MKI67: variants seen among roughly 807,000 people sequenced by gnomAD.
MKI67 encodes the protein proliferation marker protein Ki-67.
A neutral mutation model predicts 233.5 loss-of-function variants in MKI67; 152 were observed. That is an observed-to-expected ratio of 0.65 (90% confidence interval 0.57 to 0.74). MKI67 has a LOEUF of 0.74. Ranked by LOEUF, MKI67 falls within the 30% of genes least tolerant of loss-of-function variation. The pLI is 0.00. For missense variants in MKI67, 3,940 were observed against 3,885.2 expected (o/e 1.01, Z -0.37); for synonymous variants, 1,465 against 1,418.5 (o/e 1.03, Z -0.74).
chr10:128,099,690 C>G (rs1852292627), intron 14 of MKI67, among the ~76,000 whole-genome samples: 1 of 152,216 alleles, frequency 6.6e-6, no homozygotes, highest in African/African-American at 2.4e-5. Context: ...TTGGCCTTTA[C>G]TCTTGCAGTA....
chr10:128,101,182 G>T lies in MKI67; in HGVS notation c.9705+76C>A. ...CTGTTGAAGATAATGCTTTTTGTTT[G>T]CCTTTGCAACCTTGGGCAAAAAATA... On this transcript the variant is annotated intron_variant, in intron 14 of 14. Coordinates refer to ENST00000368654, the MANE Select transcript of MKI67 (RefSeq NM_002417.5). 22 of 1,420,624 alleles carry T rather than the reference G, an allele frequency of 1.5e-5. No homozygotes were observed. In the Admixed American group the frequency reaches 1.6e-4, roughly 10 times the overall value. 88.0% of individuals were successfully genotyped at this position (1,420,624 alleles called of 1,614,324 possible).
rs752242610 is a variant in MKI67 at position 128,099,145 on chromosome 10, T to C, written c.*45A>G. ...ATGACAAAAACTGCACTAGAACTTATCACAAAACTAACTTTATTATATTTT... is the reference window on the plus strand; with the variant it reads ...ATGACAAAAACTGCACTAGAACTTACCACAAAACTAACTTTATTATATTTT... On this transcript the variant is annotated 3_prime_UTR_variant, in exon 15 of 15. Transcript: ENST00000368654. The C allele has an allele frequency of 4.1e-6, 6 of 1,478,662 alleles. No individual in the cohort carries two copies. Among genetic ancestry groups the C allele is most frequent in the Non-Finnish European group, 3.8e-6 (4 of 1,066,432 alleles). The allele number at this position is 1,478,662 out of a possible 1,614,324, so 91.6% of individuals were successfully genotyped here. A position where few individuals can be genotyped will look rare whatever the true frequency, so the allele number is the denominator to read the frequency against.
rs777827560 is a variant in MKI67, at chr10:128,102,706, A to G, written c.9134T>C (p.Val3045Ala). The change falls in exon 13 of 15, where the codon GTG (valine) becomes GCG (alanine). Residue 3045 changes from valine to alanine, a missense_variant. Coordinates refer to ENST00000368654, the MANE Select transcript of MKI67 (RefSeq NM_002417.5). ...CCTCAAACTTCTCTTCATGATGACC[A>G]CGGGTTCGGATGATTTGCCTCTTGC... Reference protein sequence around the residue: ...PRARGKSSEPVVIMKRSLRTS... With the variant: ...PRARGKSSEPAVIMKRSLRTS... The G allele has an allele frequency of 1.9e-6, 3 of 1,614,214 alleles. No homozygotes were observed. In the South Asian group the frequency reaches 3.3e-5, roughly 18 times the overall value.
chr10:128,107,822 C>T lies in MKI67; in HGVS notation c.4018G>A (p.Ala1340Thr). The change falls in exon 13 of 15, where the codon GCC becomes ACC. Residue 1340 changes from alanine to threonine, a missense_variant. Ala to Thr is a moderately conservative substitution (Grantham distance 58). Transcript: ENST00000368654. Reference protein sequence around the residue: ...KRRPQTPKEEAQALEDLTGFK... With the variant: ...KRRPQTPKEETQALEDLTGFK... ...CCAGTCAGGTCTTCCAGAGCCTGGG[C>T]CTCTTCCTTAGGAGTTTGTGGCCGT... The T allele has an allele frequency of 1.2e-6, 2 of 1,613,732 alleles. No homozygotes were observed. The highest frequency in any genetic ancestry group is 1.7e-6 in the Non-Finnish European group (2 of 1,179,960).
intron 4 of MKI67, among the ~76,000 whole-genome samples, chr10:128,122,374 C>A (rs570877493): frequency 6.6e-6 from 1 of 152,080 alleles, no homozygotes; most frequent in Admixed American, 6.5e-5. Context: ...GCTCAAAAAG[C>A]CTTCATTGCC....
intron 2 of MKI67, 39 bp from the exon 3 acceptor site, chr10:128,123,208 C>T (rs1157081563): frequency 7.0e-7 from 1 of 1,426,714 alleles, no homozygotes. Context: ...GTTGCTGCAA[C>T]TTTTTAAAAG....
chr10:128,100,165 C>T (rs1411913289), intron 14 of MKI67, among the ~76,000 whole-genome samples: 1 of 152,210 alleles, frequency 6.6e-6, no homozygotes, highest in Non-Finnish European at 1.5e-5. Flanking sequence ...TGCTTCCAGC[C>T]TGCCCCAGAA....
In MKI67 at chr10:128,111,756, T is replaced by C. The variant is rs1852681910; in HGVS notation, c.2149A>G (p.Ile717Val). 1 of 1,614,200 alleles carries C rather than the reference T, an allele frequency of 6.2e-7. No individual in the cohort carries two copies. The highest frequency in any genetic ancestry group is 1.1e-5 in the South Asian group (1 of 91,092). The change falls in exon 11 of 15, where the codon ATA becomes GTA. Residue 717 changes from isoleucine (I) to valine (V), a missense_variant. Coordinates refer to ENST00000368654, the MANE Select transcript of MKI67 (RefSeq NM_002417.5). The part of the protein sequence containing the change: ...STGHANSPCT[I>V]IIGKAHTEKV... ...TCAGTATGAGCTTTCCCTATTATTA[T>C]GGTACAAGGAGAGTTTGCGTGGCCT...
chr10:128,111,317 G>T (rs1393261369), intron 11 of MKI67, among the ~76,000 whole-genome samples: 1 of 152,204 alleles, frequency 6.6e-6, no homozygotes, highest in Admixed American at 6.5e-5. Flanking sequence ...AACTATTATT[G>T]TACCTGCAGA....
rs1852498941 is a variant in MKI67 at position 128,106,471 on chromosome 10, C to A, written c.5369G>T (p.Gly1790Val). The A allele has an allele frequency of 6.2e-7, 1 of 1,613,782 alleles. No homozygotes were observed. The highest frequency in any genetic ancestry group is 8.5e-7 in the Non-Finnish European group (1 of 1,179,976). ...KAMHTPKPAV[G>V]EEKDINTFLG... ...AAACGTGTTGATGTCTTTCTCTTCA[C>A]CTACTGCTGGTTTGGGTGTGTGCAT... Residue 1790 changes from glycine to valine, a missense_variant, in exon 13 of 15, where the codon GGT (glycine) becomes GTT (valine). Coordinates refer to ENST00000368654, the MANE Select transcript of MKI67 (RefSeq NM_002417.5).
chr10:128,122,521 C>G (rs1852969949), intron 4 of MKI67, among the ~76,000 whole-genome samples: 1 of 152,036 alleles, frequency 6.6e-6, no homozygotes, highest in Admixed American at 6.6e-5. Flanking sequence ...GATAAATTGA[C>G]CTGTCCATCT....
chr10:128,111,489 T>G (rs1227522774), intron 11 of MKI67, 156 bp downstream of exon 11: 15 of 694,612 alleles, frequency 2.2e-5, no homozygotes, highest in Middle Eastern at 8.2e-4. Flanking sequence ...CAAAACAGCT[T>G]TATCTTCCCT....
At chr10:128,099,298 C>T (rs1189424934) in intron 14 of MKI67, 43 bp from the exon 15 acceptor site, 2 of 1,544,782 alleles carry the variant, frequency 1.3e-6, no homozygotes, top group Non-Finnish European at 1.8e-6. Context: ...GTAATTTAAA[C>T]ACCCATTTTT....
rs760756736 is a variant in MKI67 at position 128,113,543 on chromosome 10, G to T, written c.1540C>A (p.Pro514Thr). ...GGCAAGTTTTCATCAAATAGTTCAG[G>T]TCTTAGGTGCCCACCAAAGGACACA... ...RRVSFGGHLR[P>T]ELFDENLPPN... The change falls in exon 8 of 15, where the codon CCT becomes ACT. Residue 514 changes from proline (P) to threonine (T), a missense_variant. Coordinates refer to ENST00000368654, the MANE Select transcript of MKI67 (RefSeq NM_002417.5). The T allele has an allele frequency of 1.2e-6, 2 of 1,614,034 alleles. No homozygotes were observed. The highest frequency in any genetic ancestry group is 1.7e-6 in the Non-Finnish European group (2 of 1,180,020).
rs1157726117 is a variant in MKI67, at chr10:128,106,287, C to T, written c.5553G>A (p.Glu1851=). ...TPCTDNPTTD[E]KTTKKILCKS... is the part of the protein sequence containing the mutation. ...TGCAGAGTATTTTTTTGGTAGTTTTCTCATCAGTCGTGGGGTTATCAGTGC... is the reference window on the plus strand; with the variant it reads ...TGCAGAGTATTTTTTTGGTAGTTTTTTCATCAGTCGTGGGGTTATCAGTGC... The change falls in exon 13 of 15, where the codon GAG becomes GAA. Residue 1851 remains glutamate (E), a synonymous_variant. Coordinates refer to ENST00000368654, the MANE Select transcript of MKI67 (RefSeq NM_002417.5). 2 of 1,612,766 alleles carry T rather than the reference C, an allele frequency of 1.2e-6. No homozygotes were observed. Among genetic ancestry groups the T allele is most frequent in the African/African-American group, 1.3e-5 (1 of 74,442 alleles).
chr10:128,116,994 CAA>C (rs2136147005), intron 5 of MKI67, among the ~76,000 whole-genome samples: 1 of 152,292 alleles, frequency 6.6e-6, no homozygotes, highest in African/African-American at 2.4e-5. Context: ...GAAATGAGCT[CAA>C]GTCAGTTGGG....
intron 4 of MKI67, 41 bp downstream of exon 4, chr10:128,122,840 G>A: frequency 5.1e-6 from 5 of 985,058 alleles, no homozygotes; most frequent in Non-Finnish European, 7.6e-6. Context: ...TGGTTAATCA[G>A]AAGATGACAT....
At chr10:128,118,361 A>C (rs1015138831) in intron 5 of MKI67, among the ~76,000 whole-genome samples, 1 of 147,590 alleles carries the variant, frequency 6.8e-6, no homozygotes, top group Non-Finnish European at 1.5e-5. Context: ...GCACCACTGC[A>C]CTCCAGCCTG....
At chr10:128,119,347 T>C in intron 4 of MKI67, 28 bp from the exon 5 acceptor site, 1 of 1,523,910 alleles carries the variant, frequency 6.6e-7, no homozygotes, top group South Asian at 1.1e-5. Flanking sequence ...ACAAAGATCC[T>C]GATTAAAAAT....
Sources: gnomAD v4.1 joint callset for allele counts (sites outside exome capture counted in the v4.1 genomes callset) on GRCh38, gnomAD v4.1.1 for gene constraint, MANE v1.5 for transcripts, NCBI Gene and HGNC (gene_info 2026-07-23, HGNC 2026-07-21) for gene names.